The following GFRA2 variants were observed in gnomAD, a reference collection of about 807,000 sequenced individuals.
The protein encoded by GFRA2 is GDNF family receptor alpha-2.
Under a neutral mutation model 48.3 loss-of-function variants are expected in GFRA2, and 17 were observed. That is an observed-to-expected ratio of 0.35 (90% CI 0.24 to 0.53). The LOEUF (loss-of-function observed/expected upper bound fraction) is 0.53, where lower values mean the gene tolerates loss of function less well. Among genes scored for constraint, GFRA2 ranks in the 20% least tolerant of loss-of-function variants. The probability of loss-of-function intolerance (pLI) is 0.93; values close to 1 mark genes in which losing one functional copy is unlikely to be tolerated. For missense variants in GFRA2, 660 were observed against 637.3 expected, an observed-to-expected ratio of 1.04 and a Z score of -0.38; for synonymous variants, 305 against 257.2, an observed-to-expected ratio of 1.19 and a Z score of -1.78.
intron 3 of GFRA2, among the ~76,000 whole-genome samples, chr8:21,774,583 C>T (rs1806601731): frequency 6.6e-6 from 1 of 152,188 alleles, no homozygotes; most frequent in African/African-American, 2.4e-5. Context: ...TACGGTACTC[C>T]CCCATCACAG....
At chr8:21,745,467 C>T (rs550762100) in intron 4 of GFRA2, among the ~76,000 whole-genome samples, 3 of 152,356 alleles carry the variant, frequency 2.0e-5, no homozygotes, top group Non-Finnish European at 4.4e-5. Context: ...CCATCAAGGC[C>T]GGCTTCATTC....
intron 4 of GFRA2, among the ~76,000 whole-genome samples, chr8:21,708,930 G>A (rs918998138): frequency 6.6e-6 from 1 of 152,206 alleles, no homozygotes; most frequent in East Asian, 1.9e-4. Flanking sequence ...AGCGGCCCCA[G>A]GAAATGAATG....
intron 8 of GFRA2, among the ~76,000 whole-genome samples, chr8:21,693,858 C>A (rs1329231274): frequency 6.6e-4 from 3 of 4,580 alleles, no homozygotes; most frequent in Non-Finnish European, 1.0e-3. Context: ...TTCTCAATTT[C>A]TTCCAATCCC....
intron 2 of GFRA2, among the ~76,000 whole-genome samples, chr8:21,795,261 C>T (rs1807646877): frequency 6.6e-6 from 1 of 152,230 alleles, no homozygotes; most frequent in East Asian, 1.9e-4. Context: ...GCATCTTCCA[C>T]ATCCATGATC....
chr8:21,702,817 G>A lies in GFRA2; in HGVS notation c.1206C>T (p.Cys402=). 1 of 1,606,968 alleles carries A rather than the reference G, an allele frequency of 6.2e-7. No individual in the cohort carries two copies. The highest frequency in any genetic ancestry group is 8.5e-7 in the Non-Finnish European group (1 of 1,176,586). Residue 402 remains cysteine (C), a synonymous_variant, in exon 7 of 9, where the codon TGC becomes TGT. Coordinates refer to ENST00000524240, the MANE Select transcript of GFRA2 (RefSeq NM_001495.5). ...CACACACCCTCACCTGGACAGACGT[G>A]CAGGTGGTGATGACACTGGTCCCCA... ...TSLGTSVITT[C]TSVQEQGLKA...
intron 4 of GFRA2, among the ~76,000 whole-genome samples, chr8:21,726,240 A>C (rs1250153430): frequency 3.3e-5 from 5 of 152,070 alleles, no homozygotes; most frequent in African/African-American, 1.2e-4. Context: ...CTTAAGCTGC[A>C]CCTGTGCATC....
At position 21,782,605 on chromosome 8, in the gene GFRA2, A is replaced by G; in HGVS notation, c.335T>C (p.Ile112Thr). The G allele has an allele frequency of 6.3e-7, 1 of 1,581,874 alleles. No homozygotes were observed. Among genetic ancestry groups the G allele is most frequent in the Non-Finnish European group, 8.6e-7 (1 of 1,164,494 alleles). Reference sequence around the variant, plus strand: ...CTTACCCTCGGTCAGCCCCAGGTGGATGCTCCAGTAGATCTGCAGACACTG... The same window carrying G: ...CTTACCCTCGGTCAGCCCCAGGTGGGTGCTCCAGTAGATCTGCAGACACTG... ...ELQCLQIYWS[I>T]HLGLTEGEEF... The change falls in exon 2 of 9, where the codon ATC becomes ACC. Residue 112 changes from isoleucine (I) to threonine (T), a missense_variant. Ile to Thr is a moderately conservative substitution (Grantham distance 89). Transcript: ENST00000524240.
At chr8:21,725,843 C>A (rs1803842627) in intron 4 of GFRA2, among the ~76,000 whole-genome samples, 1 of 152,236 alleles carries the variant, frequency 6.6e-6, no homozygotes, top group Non-Finnish European at 1.5e-5. Flanking sequence ...GCTGTTCCAA[C>A]ATGCATCCAG....
upstream of GFRA2, among the ~76,000 whole-genome samples, chr8:21,793,510 T>TA (rs1319554831): frequency 7.2e-5 from 11 of 152,114 alleles, 1 homozygote; most frequent in South Asian, 1.2e-3. Context: ...GGAAAAATAA[T>TA]AATTAAAGTA....
chr8:21,743,030 T>C (rs1804829597), intron 4 of GFRA2, among the ~76,000 whole-genome samples: 1 of 152,194 alleles, frequency 6.6e-6, no homozygotes, highest in Admixed American at 6.5e-5. Context: ...CCCCAGAGCC[T>C]TTAGTAAAGT....
intron 4 of GFRA2, among the ~76,000 whole-genome samples, chr8:21,734,516 T>C (rs1402648725): frequency 6.6e-6 from 1 of 151,550 alleles, no homozygotes; most frequent in African/African-American, 2.4e-5. Context: ...AACAGCCTAG[T>C]GAGGTGTTCT....
intron 7 of GFRA2, among the ~76,000 whole-genome samples, chr8:21,697,034 A>AGGGGG (rs1802221437): frequency 3.6e-4 from 4 of 11,028 alleles, no homozygotes; most frequent in South Asian, 3.0e-3. Flanking sequence ...GGGACAGAGG[A>AGGGGG]GAGGGGAGGA....
chr8:21,715,774 T>G (rs971688862), intron 4 of GFRA2, among the ~76,000 whole-genome samples: 1 of 152,196 alleles, frequency 6.6e-6, no homozygotes, highest in Non-Finnish European at 1.5e-5. Context: ...TTTTTGGTTC[T>G]AAGATACAAC....
chr8:21,752,595 C>T (rs930287484), intron 3 of GFRA2, among the ~76,000 whole-genome samples: 15 of 152,074 alleles, frequency 9.9e-5, no homozygotes, highest in Admixed American at 9.8e-4. Context: ...TGCTTCCAAC[C>T]CCCAGATTTA....
intron 1 of GFRA2, among the ~76,000 whole-genome samples, chr8:21,810,655 G>A (rs1957156525): frequency 6.6e-6 from 1 of 152,204 alleles, no homozygotes; most frequent in Non-Finnish European, 1.5e-5. Flanking sequence ...GGAAGGGGCT[G>A]CAGGCACTCA....
chr8:21,754,275 G>A (rs1267022626), intron 3 of GFRA2, among the ~76,000 whole-genome samples: 1 of 152,158 alleles, frequency 6.6e-6, no homozygotes, highest in African/African-American at 2.4e-5. Context: ...TATGCAATAG[G>A]TATTTAAGGG....
At chr8:21,752,945 C>T (rs1563247838) in intron 3 of GFRA2, among the ~76,000 whole-genome samples, 1 of 152,150 alleles carries the variant, frequency 6.6e-6, no homozygotes, top group Non-Finnish European at 1.5e-5. Flanking sequence ...TCTGAGCCAC[C>T]GACACTGTGC....
intron 1 of GFRA2, among the ~76,000 whole-genome samples, chr8:21,785,192 G>A (rs1441765626): frequency 2.6e-5 from 4 of 152,194 alleles, no homozygotes; most frequent in Admixed American, 1.3e-4. Context: ...GCATAAGGAC[G>A]CTTTTTTTGC....
chr8:21,746,755 T>C (rs1442213045), intron 4 of GFRA2, among the ~76,000 whole-genome samples: 2 of 151,762 alleles, frequency 1.3e-5, no homozygotes, highest in Non-Finnish European at 2.9e-5. Context: ...AGTGTATCAC[T>C]TGATTCTCCT....
Sources: gnomAD v4.1 joint callset for allele counts (sites outside exome capture counted in the v4.1 genomes callset) on GRCh38, gnomAD v4.1.1 for gene constraint, MANE v1.5 for transcripts, NCBI Gene and HGNC (gene_info 2026-07-23, HGNC 2026-07-21) for gene names.